Variants in CHCHD3 observed in about 807,000 individuals in gnomAD.
CHCHD3 encodes coiled-coil-helix-coiled-coil-helix domain containing 3, also known as MICOS complex subunit MIC19.
CHCHD3 carries 20 observed loss-of-function variants against 38.2 expected under a neutral mutation model. The observed-to-expected ratio is 0.52, with a 90% confidence interval of 0.37 to 0.76. CHCHD3 has a LOEUF of 0.76. CHCHD3 is among the 30% of genes least tolerant of loss of function. The probability of loss-of-function intolerance (pLI) is 0.00; values close to 1 mark genes in which losing one functional copy is unlikely to be tolerated. For missense variants in CHCHD3, 245 were observed against 279.2 expected, an observed-to-expected ratio of 0.88 and a Z score of 0.87; for synonymous variants, 82 against 100.0, an observed-to-expected ratio of 0.82 and a Z score of 1.07.
At chr7:132,958,349 T>C (rs952087427) in intron 4 of CHCHD3, among the ~76,000 whole-genome samples, 3 of 152,164 alleles carry the variant, frequency 2.0e-5, no homozygotes, top group African/African-American at 4.8e-5. Context: ...TCAGAGACTT[T>C]AGCAATCACA....
chr7:133,055,769 G>A (rs557290274), intron 2 of CHCHD3, among the ~76,000 whole-genome samples: 24 of 151,732 alleles, frequency 1.6e-4, no homozygotes, highest in African/African-American at 5.3e-4. Context: ...GTTCTGTTGA[G>A]GTGACTTTGG....
chr7:132,840,763 T>C lies in CHCHD3; in HGVS notation c.454-2294A>G, dbSNP rs139289895. Among the ~76,000 whole-genome samples the C allele has an allele frequency of 6.3e-4, 96 of 152,302 alleles. No individual in the cohort carries two copies. In the East Asian group the frequency reaches 9.4e-3, roughly 15 times the overall value. ...GATTCTAAATGGTAAAAAGTAAGTA[T>C]TACTTGTTTTATTAACAATGTGCAC... is the stretch of plus-strand genomic sequence containing the variant. On this transcript the variant is annotated intron_variant, in intron 5 of 7. Coordinates refer to ENST00000262570, the MANE Select transcript of CHCHD3 (RefSeq NM_017812.4).
intron 6 of CHCHD3, among the ~76,000 whole-genome samples, chr7:132,833,415 C>T (rs1001198090): frequency 5.9e-5 from 9 of 152,126 alleles, no homozygotes; most frequent in Non-Finnish European, 1.2e-4. Context: ...CCCTTAGTTC[C>T]CACTGAAATC....
rs1406985320 is a variant in CHCHD3, at chr7:132,817,985, T to C, written c.524+20414A>G. Among the ~76,000 whole-genome samples, 3 of 151,892 alleles carry C rather than the reference T, an allele frequency of 2.0e-5. No individual in the cohort carries two copies. In the East Asian group the frequency reaches 5.8e-4, roughly 29 times the overall value. ...GCTAACCCAAGCAAAAGCAAGTGAG[T>C]CACCCATTCCTTTGGGAGTGTATTA... is the stretch of plus-strand genomic sequence containing the variant. On this transcript the variant is annotated intron_variant, in intron 6 of 7. Transcript: ENST00000262570.
In CHCHD3 at chr7:132,823,830, T is replaced by C. The variant is rs553762468; in HGVS notation, c.524+14569A>G. 1.4e-3 allele frequency among the ~76,000 whole-genome samples: 209 copies of C among 152,338 alleles called. 1 individual carries two copies. The highest frequency in any genetic ancestry group is 2.4e-3 in the Non-Finnish European group (164 of 68,034). Reference sequence around the variant, plus strand: ...AAAGAACCTGGTACCTTGTGAATTCTTAGGACACCATTCAAAGATATCATA... The same window carrying C: ...AAAGAACCTGGTACCTTGTGAATTCCTAGGACACCATTCAAAGATATCATA... On this transcript the variant is annotated intron_variant, in intron 6 of 7. Transcript: ENST00000262570.
chr7:133,070,475 C>T (rs906201345), intron 1 of CHCHD3, among the ~76,000 whole-genome samples: 8 of 152,192 alleles, frequency 5.3e-5, no homozygotes, highest in South Asian at 2.1e-4. Flanking sequence ...AATAACTACA[C>T]TCTTCATTTT....
At chr7:133,074,973 G>C (rs534525807) in intron 1 of CHCHD3, among the ~76,000 whole-genome samples, 1 of 152,106 alleles carries the variant, frequency 6.6e-6, no homozygotes, top group African/African-American at 2.4e-5. Context: ...AACTGGGTCT[G>C]AGCTTGTACT....
At chr7:132,989,050 T>C (rs769335039) in intron 3 of CHCHD3, among the ~76,000 whole-genome samples, 72 of 152,332 alleles carry the variant, frequency 4.7e-4, no homozygotes, top group Admixed American at 1.8e-3. Context: ...ATGTAAAGTA[T>C]ACGGGAGGAA....
intron 5 of CHCHD3, among the ~76,000 whole-genome samples, chr7:132,877,570 A>G (rs141907628): frequency 1.1e-4 from 16 of 152,334 alleles, no homozygotes; most frequent in Admixed American, 4.6e-4. Flanking sequence ...ATTTACTTAA[A>G]CTATCATTAC....
chr7:132,905,043 A>G (rs1809761792), intron 4 of CHCHD3, among the ~76,000 whole-genome samples: 1 of 151,402 alleles, frequency 6.6e-6, no homozygotes. Context: ...GGAATTGAAC[A>G]ATGAGAACAC....
chr7:132,936,014 C>G (rs1289059786), intron 4 of CHCHD3, among the ~76,000 whole-genome samples: 1 of 152,128 alleles, frequency 6.6e-6, no homozygotes, highest in Non-Finnish European at 1.5e-5. Context: ...GAGATAACAG[C>G]AGTAATCCAT....
At chr7:132,940,997 C>G (rs1020360435) in intron 4 of CHCHD3, among the ~76,000 whole-genome samples, 1 of 152,108 alleles carries the variant, frequency 6.6e-6, no homozygotes, top group East Asian at 1.9e-4. Context: ...TTCTCAGTGG[C>G]CAGTTTCCTC....
chr7:132,879,490 T>C (rs1469156618), intron 5 of CHCHD3, among the ~76,000 whole-genome samples: 4 of 151,878 alleles, frequency 2.6e-5, no homozygotes, highest in African/African-American at 4.8e-5. Flanking sequence ...CAAAACACAT[T>C]ATCAAAGAGC....
At chr7:132,886,331 TTTAG>T (rs1356113558) in intron 4 of CHCHD3, among the ~76,000 whole-genome samples, 1 of 152,046 alleles carries the variant, frequency 6.6e-6, no homozygotes, top group African/African-American at 2.4e-5. Context: ...TTTTAAAAGC[TTTAG>T]TTATTGTACT....
intron 4 of CHCHD3, among the ~76,000 whole-genome samples, chr7:132,910,374 T>C (rs554582657): frequency 9.2e-5 from 14 of 152,332 alleles, no homozygotes; most frequent in Admixed American, 7.8e-4. Context: ...GCTCCTATAC[T>C]TGCCTGTATT....
At chr7:132,855,036 C>T (rs981033127) in intron 5 of CHCHD3, among the ~76,000 whole-genome samples, 3 of 152,128 alleles carry the variant, frequency 2.0e-5, no homozygotes, top group Admixed American at 6.5e-5. Context: ...AAGTTAGGGG[C>T]CACTATCTTT....
At chr7:132,950,378 G>A (rs1461848590) in intron 4 of CHCHD3, among the ~76,000 whole-genome samples, 1 of 152,048 alleles carries the variant, frequency 6.6e-6, no homozygotes, top group Non-Finnish European at 1.5e-5. Flanking sequence ...GACATTTTAG[G>A]AAAAAGATGT....
intron 3 of CHCHD3, among the ~76,000 whole-genome samples, chr7:132,991,754 T>C (rs1206505408): frequency 6.6e-6 from 1 of 152,204 alleles, no homozygotes; most frequent in Non-Finnish European, 1.5e-5. Context: ...TAGTTTTTTT[T>C]TTCCTCAAGG....
intron 4 of CHCHD3, chr7:132,973,405 C>T: frequency 3.0e-6 from 3 of 985,458 alleles, no homozygotes; most frequent in South Asian, 9.4e-5. Flanking sequence ...TTTTCAGCTT[C>T]CTCAAAAAAT....
Sources: allele counts gnomAD v4.1 joint callset (sites outside exome capture counted in the v4.1 genomes callset), GRCh38; gene constraint gnomAD v4.1.1; transcripts MANE v1.5; gene names NCBI Gene and HGNC (gene_info 2026-07-23, HGNC 2026-07-21).